SPTBN1: variants seen among roughly 807,000 people sequenced by gnomAD.
SPTBN1 encodes the protein spectrin beta, non-erythrocytic 1, also known as spectrin beta chain, non-erythrocytic 1.
A neutral mutation model predicts 266.4 loss-of-function variants in SPTBN1; 32 were observed. The observed-to-expected ratio is 0.12, with a 90% CI of 0.09 to 0.16. SPTBN1 has a LOEUF of 0.16. Ranked by LOEUF, SPTBN1 falls within the 10% of genes least tolerant of loss-of-function variation. The pLI is 1.00. For synonymous variants in SPTBN1, 1,336 were observed against 1,162.2 expected (o/e 1.15, Z -3.04); for missense variants, 2,296 against 3,067.1 (o/e 0.75, Z 5.94).
intron 3 of SPTBN1, among the ~76,000 whole-genome samples, chr2:54,600,092 T>A (rs1372659444): frequency 6.6e-6 from 1 of 152,248 alleles, no homozygotes; most frequent in Non-Finnish European, 1.5e-5. Context: ...TTGGCAGGGC[T>A]GCCAGAAAGC....
Position 54,634,767 on chromosome 2 carries a change from G to A in SPTBN1, c.3767+1999G>A, listed in dbSNP as rs573666592. Among the ~76,000 whole-genome samples, 54 of 152,288 alleles carry A rather than the reference G, an allele frequency of 3.5e-4. 1 individual carries two copies. Among genetic ancestry groups the A allele is most frequent in the Middle Eastern group, 6.8e-3 (2 of 294 alleles). ...TGTAAAGTCATTATAATGTGCTTACGTTCAGGAAGTTTCCTGAGTTGTTGA... is the reference window on the plus strand; with the variant it reads ...TGTAAAGTCATTATAATGTGCTTACATTCAGGAAGTTTCCTGAGTTGTTGA... On this transcript the variant is annotated intron_variant, in intron 17 of 35. Coordinates refer to ENST00000356805, the MANE Select transcript of SPTBN1 (RefSeq NM_003128.3).
chr2:54,624,248 T>C (rs143475337), intron 10 of SPTBN1, among the ~76,000 whole-genome samples: 5,919 of 152,268 alleles, frequency 0.039, 148 homozygotes, highest in Admixed American at 0.087. Flanking sequence ...GTGCTGGAAT[T>C]ATAGGCGTGA....
chr2:54,642,417 G>A (rs577211369), intron 18 of SPTBN1, among the ~76,000 whole-genome samples: 1 of 152,124 alleles, frequency 6.6e-6, no homozygotes, highest in Admixed American at 6.6e-5. Flanking sequence ...AAACTTGAAG[G>A]AAACATTGAA....
chr2:54,592,013 A>G (rs1675716237), intron 2 of SPTBN1, among the ~76,000 whole-genome samples: 7 of 152,106 alleles, frequency 4.6e-5, no homozygotes, highest in Admixed American at 4.6e-4. Flanking sequence ...ACAAAAAAAA[A>G]TGAAAAAGCC....
Position 54,645,797 on chromosome 2 carries a change from C to A in SPTBN1, c.4495-131C>A. The stretch of plus-strand genomic sequence containing the variant: ...GAGAACAAGGGCGTGCTTCCCCAGA[C>A]AGCCCTCCCGAGGGGGCTGAGCACT... On this transcript the variant is annotated intron_variant, in intron 21 of 35. Coordinates refer to ENST00000356805, the MANE Select transcript of SPTBN1 (RefSeq NM_003128.3). This position sits in a 1 kb window ranked among gnomAD's most constrained non-coding sequence, Gnocchi z 4.3. 1 of 937,250 alleles carries A rather than the reference C, an allele frequency of 1.1e-6. No individual in the cohort carries two copies. Among genetic ancestry groups the A allele is most frequent in the Middle Eastern group, 2.6e-4 (1 of 3,780 alleles). The allele number at this position is 937,250 out of a possible 1,614,324, so 58.1% of individuals were successfully genotyped here.
intron 26 of SPTBN1, chr2:54,652,546 C>G (rs966288737): frequency 2.0e-5 from 3 of 152,160 alleles, no homozygotes; most frequent in East Asian, 1.9e-4. Context: ...AGTAAATAAT[C>G]TATGCATATT....
At chr2:54,569,118 A>C (rs1673876689) in intron 2 of SPTBN1, among the ~76,000 whole-genome samples, 1 of 152,162 alleles carries the variant, frequency 6.6e-6, no homozygotes, top group Admixed American at 6.5e-5. Context: ...GGTAGGGGAG[A>C]AAAAACACCT....
intron 19 of SPTBN1, among the ~76,000 whole-genome samples, chr2:54,643,361 G>A (rs962001974): frequency 7.2e-5 from 11 of 152,166 alleles, no homozygotes; most frequent in Non-Finnish European, 1.5e-4. Context: ...ATCGTAGAAC[G>A]AATACTAGGC....
intron 2 of SPTBN1, among the ~76,000 whole-genome samples, chr2:54,544,828 C>A (rs1672141968): frequency 6.6e-6 from 1 of 151,856 alleles, no homozygotes; most frequent in Non-Finnish European, 1.5e-5. Context: ...GTACAACATG[C>A]AGGTTTGTTA....
rs5831312 is a variant in SPTBN1 at position 54,509,956 on chromosome 2, C to CT, written c.-47-16399dup. 6.2e-3 allele frequency among the ~76,000 whole-genome samples: 811 copies of CT among 131,640 alleles called. 5 individuals are homozygous for CT. Among genetic ancestry groups the CT allele is most frequent in the Middle Eastern group, 0.012 (3 of 258 alleles). 86.4% of individuals were successfully genotyped at this position (131,640 alleles called of 152,430 possible). On this transcript the variant is annotated intron_variant, in intron 1 of 35. Coordinates refer to ENST00000356805, the MANE Select transcript of SPTBN1 (RefSeq NM_003128.3). ...TGTCTCTTTGTTCCTTGCTTTCTTT[C>CT]TTTTTTTTTTTTTTTTTAATGATAA...
chr2:54,599,484 C>A (rs1676331913), intron 3 of SPTBN1, among the ~76,000 whole-genome samples: 1 of 152,150 alleles, frequency 6.6e-6, no homozygotes, highest in African/African-American at 2.4e-5. Flanking sequence ...CACCTTTGGT[C>A]AGAAAGAACT....
chr2:54,579,875 G>A (rs1674760782), intron 2 of SPTBN1, among the ~76,000 whole-genome samples: 1 of 152,198 alleles, frequency 6.6e-6, no homozygotes, highest in African/African-American at 2.4e-5. Context: ...TAACTGTATT[G>A]ACTTTGGAAA....
intron 17 of SPTBN1, among the ~76,000 whole-genome samples, chr2:54,637,345 A>G (rs187883125): frequency 2.0e-5 from 3 of 152,316 alleles, no homozygotes; most frequent in African/African-American, 7.2e-5. Context: ...TGTGTCACCC[A>G]GTTATGAGCT....
chr2:54,632,869 C>T lies in SPTBN1; in HGVS notation c.3767+101C>T, dbSNP rs867048347. ...CTTGGGAGTTTAGGTATAAATTTCC[C>T]AGTGGGCAGAATATGGGTGCCCAGC... On this transcript the variant is annotated intron_variant, in intron 17 of 35. Transcript: ENST00000356805. 26 of 1,316,526 alleles carry T rather than the reference C, an allele frequency of 2.0e-5. No individual in the cohort carries two copies. In the Middle Eastern group the frequency reaches 1.4e-3, roughly 73 times the overall value. The allele number at this position is 1,316,526 out of a possible 1,614,324, so 81.6% of individuals were successfully genotyped here.
intron 2 of SPTBN1, among the ~76,000 whole-genome samples, chr2:54,544,614 C>A (rs1000049669): frequency 1.3e-5 from 2 of 151,896 alleles, no homozygotes; most frequent in African/African-American, 4.8e-5. Flanking sequence ...GCCTAAGAGA[C>A]CTATTAAAAA....
intron 2 of SPTBN1, among the ~76,000 whole-genome samples, chr2:54,575,874 A>G (rs558763583): frequency 6.6e-6 from 1 of 152,286 alleles, no homozygotes; most frequent in African/African-American, 2.4e-5. Flanking sequence ...CTAGGCAGTC[A>G]TGGGAACCTG....
chr2:54,573,004 C>T (rs994235030), intron 2 of SPTBN1, among the ~76,000 whole-genome samples: 6 of 152,270 alleles, frequency 3.9e-5, no homozygotes, highest in Middle Eastern at 3.4e-3. Context: ...GATGAGAAGG[C>T]GGGCCCAGAC....
chr2:54,496,917 G>T (rs1331443433), intron 1 of SPTBN1, among the ~76,000 whole-genome samples: 1 of 152,210 alleles, frequency 6.6e-6, no homozygotes, highest in Non-Finnish European at 1.5e-5. Context: ...TGAGAATAGT[G>T]AACAACTATG....
intron 17 of SPTBN1, among the ~76,000 whole-genome samples, chr2:54,635,105 C>A (rs936951259): frequency 7.2e-5 from 11 of 152,180 alleles, no homozygotes; most frequent in Admixed American, 2.0e-4. Flanking sequence ...GCATCTGCTT[C>A]ATGTGATGAG....
Sources: allele counts gnomAD v4.1 joint callset (sites outside exome capture counted in the v4.1 genomes callset), GRCh38; gene constraint gnomAD v4.1.1; non-coding constraint Gnocchi (gnomAD v3.1); transcripts MANE v1.5; gene names NCBI Gene and HGNC (gene_info 2026-07-23, HGNC 2026-07-21).